The following ZZZ3 variants were observed in gnomAD, a reference collection of about 807,000 sequenced individuals.
ZZZ3 encodes ZZ-type zinc finger-containing protein 3.
ZZZ3 carries 22 observed loss-of-function variants against 95.2 expected under a neutral mutation model. The ratio of observed to expected loss-of-function variants is 0.23; its 90% CI spans 0.17 to 0.33. The LOEUF is 0.33. Ranked by LOEUF, ZZZ3 falls within the 10% of genes least tolerant of loss-of-function variation. The pLI is 1.00. For synonymous variants in ZZZ3, 335 were observed against 358.9 expected (o/e 0.93, Z 0.75); for missense variants, 885 against 1,066.5 (o/e 0.83, Z 2.37).
chr1:77,612,567 A>T (rs185723818), intron 5 of ZZZ3, among the ~76,000 whole-genome samples: 1 of 152,204 alleles, frequency 6.6e-6, no homozygotes, highest in East Asian at 1.9e-4. Context: ...CGGACAAAGA[A>T]ATGTGGTACA....
Position 77,670,386 on chromosome 1 carries a change from G to A in ZZZ3, c.-403+12199C>T, listed in dbSNP as rs542804283. On this transcript the variant is annotated intron_variant, in intron 1 of 14. Coordinates refer to ENST00000370801, the MANE Select transcript of ZZZ3 (RefSeq NM_015534.6). ...GCGATTCTCCTGCCTCAGCCTCACC[G>A]AGTAGCTGGGACTACAGGCACACTC... Among the ~76,000 whole-genome samples, 9 of 151,822 alleles carry A rather than the reference G, an allele frequency of 5.9e-5. No homozygotes were observed. In the South Asian group the frequency reaches 1.3e-3, roughly 21 times the overall value.
At chr1:77,587,294 G>A (rs369566687) in intron 5 of ZZZ3, among the ~76,000 whole-genome samples, 1 of 121,930 alleles carries the variant, frequency 8.2e-6, no homozygotes, top group African/African-American at 3.2e-5. Context: ...ACAGAGTCTC[G>A]CTCTGTTGCC....
intron 5 of ZZZ3, among the ~76,000 whole-genome samples, chr1:77,624,829 G>C (rs1667195865): frequency 6.6e-6 from 1 of 152,198 alleles, no homozygotes; most frequent in Non-Finnish European, 1.5e-5. Flanking sequence ...GGCTTCTGAA[G>C]TGGGAGGCAG....
chr1:77,563,188 T>C lies in ZZZ3; in HGVS notation c.*2452A>G, dbSNP rs1387199757. On this transcript the variant is annotated 3_prime_UTR_variant, in exon 15 of 15. Coordinates refer to ENST00000370801, the MANE Select transcript of ZZZ3 (RefSeq NM_015534.6). Reference sequence around the variant, plus strand: ...GTGCAAATAACTTGAGCACAATATATCAGGAAATAGATCTTATCTACTGAA... The same window carrying C: ...GTGCAAATAACTTGAGCACAATATACCAGGAAATAGATCTTATCTACTGAA... 1.3e-5 allele frequency: 2 copies of C among 151,978 alleles called. No homozygotes were observed. The highest frequency in any genetic ancestry group is 2.1e-4 in the South Asian group (1 of 4,830). The allele number at this position is 151,978 out of a possible 1,614,324, so 9.4% of individuals were successfully genotyped here. A position where few individuals can be genotyped will look rare whatever the true frequency, so the allele number is the denominator to read the frequency against.
rs542019606 is a variant in ZZZ3 at position 77,671,035 on chromosome 1, A to T, written c.-403+11550T>A. ...GGGGGTGGTGGGGGTTGTTTTTTTT[A>T]AAAAAAAAAAAACTTCTGTGAGGAC... On this transcript the variant is annotated intron_variant, in intron 1 of 14. Coordinates refer to ENST00000370801, the MANE Select transcript of ZZZ3 (RefSeq NM_015534.6). Among the ~76,000 whole-genome samples the T allele has an allele frequency of 4.2e-3, 600 of 142,620 alleles. 2 individuals are homozygous for T. Among genetic ancestry groups the T allele is most frequent in the Middle Eastern group, 7.0e-3 (2 of 284 alleles). 93.6% of individuals were successfully genotyped at this position (142,620 alleles called of 152,430 possible). A position where few individuals can be genotyped will look rare whatever the true frequency, so the allele number is the denominator to read the frequency against.
intron 1 of ZZZ3, among the ~76,000 whole-genome samples, chr1:77,647,512 C>CT (rs139486719): frequency 7.9e-4 from 118 of 149,238 alleles, no homozygotes; most frequent in African/African-American, 2.7e-3. Flanking sequence ...TAGTGAGACT[C>CT]TGTCTCAGGA....
At chr1:77,636,273 A>G (rs1460096579) in intron 4 of ZZZ3, among the ~76,000 whole-genome samples, 1 of 152,234 alleles carries the variant, frequency 6.6e-6, no homozygotes, top group Non-Finnish European at 1.5e-5. Flanking sequence ...AGACTTCCTT[A>G]ACCTTTTCTT....
intron 4 of ZZZ3, among the ~76,000 whole-genome samples, chr1:77,634,635 A>T (rs1310666139): frequency 6.6e-6 from 1 of 152,150 alleles, no homozygotes; most frequent in Non-Finnish European, 1.5e-5. Context: ...TCCTGTGTAT[A>T]GCATATGCCA....
intron 1 of ZZZ3, among the ~76,000 whole-genome samples, chr1:77,654,145 G>A (rs565614429): frequency 1.0e-3 from 142 of 140,474 alleles, no homozygotes; most frequent in African/African-American, 3.5e-3. Context: ...CTGAGATGGC[G>A]CCACTGCACT....
intron 5 of ZZZ3, among the ~76,000 whole-genome samples, chr1:77,609,208 A>G (rs921028154): frequency 6.6e-6 from 1 of 152,340 alleles, no homozygotes. Context: ...TTTCCTGCCA[A>G]TGGAAACCAA....
intron 5 of ZZZ3, among the ~76,000 whole-genome samples, chr1:77,626,361 A>T (rs1667335186): frequency 1.3e-5 from 2 of 152,190 alleles, no homozygotes; most frequent in South Asian, 4.1e-4. Flanking sequence ...ATATCTAATG[A>T]AATAATTATA....
chr1:77,664,865 A>G (rs1393080036), intron 1 of ZZZ3, among the ~76,000 whole-genome samples: 1 of 152,244 alleles, frequency 6.6e-6, no homozygotes, highest in Non-Finnish European at 1.5e-5. Flanking sequence ...TGATGAGCTA[A>G]GCCTGTACTT....
intron 4 of ZZZ3, among the ~76,000 whole-genome samples, chr1:77,637,663 GAAAATAA>G (rs1668426590): frequency 6.6e-6 from 1 of 152,026 alleles, no homozygotes; most frequent in South Asian, 2.1e-4. Flanking sequence ...CTTTCTGTTA[GAAAATAA>G]AAAATAAAAA....
chr1:77,630,503 C>CA (rs1188838882), intron 5 of ZZZ3, among the ~76,000 whole-genome samples: 1 of 151,860 alleles, frequency 6.6e-6, no homozygotes, highest in Non-Finnish European at 1.5e-5. Flanking sequence ...AACAAACAAA[C>CA]AAACAAAAAA....
intron 1 of ZZZ3, among the ~76,000 whole-genome samples, chr1:77,676,099 G>C (rs1413583477): frequency 6.6e-6 from 1 of 152,152 alleles, no homozygotes; most frequent in Non-Finnish European, 1.5e-5. Flanking sequence ...AATCTTAGGA[G>C]TTAATTTCTC....
chr1:77,620,089 A>G (rs1027837635), intron 5 of ZZZ3, among the ~76,000 whole-genome samples: 2 of 152,190 alleles, frequency 1.3e-5, no homozygotes, highest in African/African-American at 4.8e-5. Flanking sequence ...AATCAGGCCT[A>G]AAGATAAGAT....
chr1:77,640,469 G>T (rs549614471), intron 3 of ZZZ3, among the ~76,000 whole-genome samples: 3 of 151,968 alleles, frequency 2.0e-5, no homozygotes, highest in Middle Eastern at 3.4e-3. Flanking sequence ...GCATGGTGGT[G>T]TGCGCCTGTA....
chr1:77,582,607 T>C (rs1359613518), intron 6 of ZZZ3, among the ~76,000 whole-genome samples: 2 of 150,626 alleles, frequency 1.3e-5, no homozygotes, highest in African/African-American at 4.9e-5. Flanking sequence ...ATCAATCTTT[T>C]AAATTAAACC....
chr1:77,671,534 T>C (rs1313538892), intron 1 of ZZZ3, among the ~76,000 whole-genome samples: 1 of 152,156 alleles, frequency 6.6e-6, no homozygotes, highest in African/African-American at 2.4e-5. Flanking sequence ...TAGGTTCAAA[T>C]CCCAAACCCT....
Sources: gnomAD v4.1 joint callset for allele counts (sites outside exome capture counted in the v4.1 genomes callset) on GRCh38, gnomAD v4.1.1 for gene constraint, MANE v1.5 for transcripts, NCBI Gene and HGNC (gene_info 2026-07-23, HGNC 2026-07-21) for gene names.